SUPT7L: variants seen among roughly 807,000 people sequenced by gnomAD.
SUPT7L encodes SPT7 like, STAGA complex subunit gamma.
Under a neutral mutation model 35.7 loss-of-function variants are expected in SUPT7L, and 15 were observed. That is an observed-to-expected ratio of 0.42 (90% CI 0.28 to 0.65). SUPT7L has a LOEUF of 0.65. Ranked by LOEUF, SUPT7L falls within the 30% of genes least tolerant of loss-of-function variation. The pLI is 0.23. For synonymous variants in SUPT7L, 168 were observed against 186.2 expected (o/e 0.90, Z 0.79); for missense variants, 434 against 522.2 (o/e 0.83, Z 1.65).
intron 4 of SUPT7L, 127 bp from the exon 5 acceptor site, chr2:27,655,729 G>T: frequency 1.2e-6 from 1 of 816,564 alleles, no homozygotes; most frequent in South Asian, 1.8e-5. Flanking sequence ...CACTGCCAAT[G>T]GGAGGGATTT....
downstream of SUPT7L, chr2:27,647,944 G>A (rs201201430): frequency 6.4e-7 from 1 of 1,573,230 alleles, no homozygotes; most frequent in Non-Finnish European, 8.8e-7. Context: ...GACCACAGAG[G>A]TGAGAGGTGG....
the SUPT7L span, among the ~76,000 whole-genome samples, chr2:27,644,808 C>T: frequency 1.1e-4 from 17 of 148,054 alleles, no homozygotes; most frequent in Non-Finnish European, 2.5e-4. Context: ...CTCAGCCTGC[C>T]AACTAGTTTG....
chr2:27,650,336 G>A, downstream of SUPT7L: 2 of 535,594 alleles, frequency 3.7e-6, no homozygotes, highest in Non-Finnish European at 6.7e-6. Flanking sequence ...TCTCTTATTA[G>A]AGAAATCTTG....
chr2:27,662,302 A>C, intron 1 of SUPT7L, 21 bp from the exon 2 acceptor site: 1 of 1,210,132 alleles, frequency 8.3e-7, no homozygotes, highest in Non-Finnish European at 1.2e-6. Context: ...GAAGAGAAAC[A>C]GAAGCAGAAT....
chr2:27,651,305 C>T lies in SUPT7L; in HGVS notation c.*2180G>A, dbSNP rs1036229729. 1 of 152,180 alleles carries T rather than the reference C, an allele frequency of 6.6e-6. No homozygotes were observed. Among genetic ancestry groups the T allele is most frequent in the African/African-American group, 2.4e-5 (1 of 41,434 alleles). The allele number at this position is 152,180 out of a possible 1,614,324, so 9.4% of individuals were successfully genotyped here. A position where few individuals can be genotyped will look rare whatever the true frequency, so the allele number is the denominator to read the frequency against. ...TCTTATAACCTATGAACTCAGAAAC[C>T]CTGGGGGTGGGCTGAGCAGTCTGTT... is the stretch of plus-strand genomic sequence containing the variant. On this transcript the variant is annotated 3_prime_UTR_variant, in exon 6 of 6. Coordinates refer to ENST00000337768, the MANE Select transcript of SUPT7L (RefSeq NM_014860.3).
Position 27,661,063 on chromosome 2 carries a change from C to A in SUPT7L, c.340G>T (p.Asp114Tyr), listed in dbSNP as rs1394975657. The A allele has an allele frequency of 2.5e-6, 4 of 1,613,986 alleles. No homozygotes were observed. The highest frequency in any genetic ancestry group is 3.4e-6 in the Non-Finnish European group (4 of 1,180,042). The change falls in exon 3 of 6, where the codon GAC becomes TAC. Residue 114 changes from aspartate (D) to tyrosine (Y), a missense_variant. By Grantham distance (160) the Asp-to-Tyr change is radical (BLOSUM62 -3). Transcript: ENST00000337768. ...TTCTTACAATCTAAAGGCAGGAGGTCATCAGGGAGAGGAGGTGACCCAGGG... is the reference window on the plus strand; with the variant it reads ...TTCTTACAATCTAAAGGCAGGAGGTAATCAGGGAGAGGAGGTGACCCAGGG... Reference protein sequence around the residue: ...SCPGSPPLPDDLLPLDCKNPN... With the variant: ...SCPGSPPLPDYLLPLDCKNPN...
At chr2:27,645,466 T>C in the SUPT7L span, among the ~76,000 whole-genome samples, 1 of 152,084 alleles carries the variant, frequency 6.6e-6, no homozygotes, top group South Asian at 2.1e-4. Context: ...TAAAAAAGCT[T>C]TTTGGTATTT....
chr2:27,656,026 A>G (rs893657314), intron 4 of SUPT7L, among the ~76,000 whole-genome samples: 10 of 146,774 alleles, frequency 6.8e-5, no homozygotes, highest in African/African-American at 2.2e-4. Context: ...ATCTCTACCA[A>G]AAAAAAAAAA....
In SUPT7L at chr2:27,651,478, T is replaced by C. The variant is rs1490941704; in HGVS notation, c.*2007A>G. On this transcript the variant is annotated 3_prime_UTR_variant, in exon 6 of 6. Transcript: ENST00000337768. The stretch of plus-strand genomic sequence containing the variant: ...CTGGTGCCTGTTATGCAGTTTAACA[T>C]TCTGCAGCAATAAAAGTGTTTTATT... 1.3e-5 allele frequency: 2 copies of C among 152,402 alleles called. No homozygotes were observed. The highest frequency in any genetic ancestry group is 2.9e-5 in the Non-Finnish European group (2 of 68,048). 9.4% of individuals were successfully genotyped at this position (152,402 alleles called of 1,614,324 possible).
chr2:27,657,816 C>G lies in SUPT7L; in HGVS notation c.420-147G>C. On this transcript the variant is annotated intron_variant, in intron 3 of 5. Coordinates refer to ENST00000337768, the MANE Select transcript of SUPT7L (RefSeq NM_014860.3). The surrounding 1 kb of genome is among the most constrained non-coding windows in gnomAD (Gnocchi z 5.2). ...CCAAGTTACATAGCTCAGTTTCATC[C>G]TGCTGCTATCTGGGCATGTCTTAGC... 1.3e-6 allele frequency: 1 copy of G among 753,186 alleles called. No individual in the cohort carries two copies. Among genetic ancestry groups the G allele is most frequent in the Non-Finnish European group, 2.1e-6 (1 of 474,276 alleles). 46.7% of individuals were successfully genotyped at this position (753,186 alleles called of 1,614,324 possible).
intron 3 of SUPT7L, among the ~76,000 whole-genome samples, chr2:27,659,811 G>T (rs756480357): frequency 6.6e-6 from 1 of 152,114 alleles, no homozygotes; most frequent in Admixed American, 6.6e-5. Flanking sequence ...TTGTATATGT[G>T]TGTATATATG....
downstream of SUPT7L, among the ~76,000 whole-genome samples, chr2:27,646,417 T>C (rs1270271283): frequency 1.3e-5 from 2 of 152,232 alleles, no homozygotes; most frequent in East Asian, 3.8e-4. Flanking sequence ...CCGTTACATC[T>C]TATAACTGGT....
rs777622585 is a variant in SUPT7L, at chr2:27,657,572, A to G, written c.517T>C (p.Cys173Arg). The change falls in exon 4 of 6, where the codon TGT becomes CGT. Residue 173 changes from cysteine (C) to arginine (R), a missense_variant. Coordinates refer to ENST00000337768, the MANE Select transcript of SUPT7L (RefSeq NM_014860.3). The surrounding 1 kb of genome is among the most constrained non-coding windows in gnomAD (Gnocchi z 5.2). Reference sequence around the variant, plus strand: ...GTCTCCAGGACACTCTCATTAGCACAGTCAAAGCCCGCGTGGGCCAGGATT... The same window carrying G: ...GTCTCCAGGACACTCTCATTAGCACGGTCAAAGCCCGCGTGGGCCAGGATT... ...ATILAHAGFD[C>R]ANESVLETLT... 5 of 1,614,140 alleles carry G rather than the reference A, an allele frequency of 3.1e-6. No homozygotes were observed. Among genetic ancestry groups the G allele is most frequent in the Non-Finnish European group, 2.5e-6 (3 of 1,180,050 alleles).
chr2:27,642,956 T>TACACACACACACAC, the SUPT7L span, among the ~76,000 whole-genome samples: 2,525 of 85,516 alleles, frequency 0.03, 44 homozygotes, highest in East Asian at 0.11. Flanking sequence ...TATATATATA[T>TACACACACACACAC]ATACACACAC....
chr2:27,643,136 G>GT, the SUPT7L span, among the ~76,000 whole-genome samples: 9 of 148,690 alleles, frequency 6.1e-5, no homozygotes, highest in South Asian at 6.3e-4. The surrounding 1 kb of genome is among the most constrained non-coding windows in gnomAD (Gnocchi z 4.0). Context: ...TGCTGTGGTG[G>GT]TTTTTTTTGT....
At chr2:27,653,778 A>C in intron 5 of SUPT7L, 31 bp from the exon 6 acceptor site, 1 of 1,613,356 alleles carries the variant, frequency 6.2e-7, no homozygotes. Flanking sequence ...GACATACACC[A>C]AGTGTATATG....
Position 27,653,371 on chromosome 2 carries a change from C to T in SUPT7L, c.*114G>A, listed in dbSNP as rs1380055067. Reference sequence around the variant, plus strand: ...CCAGTTCCTCTGGAATTAGGAAAAACCACTTGTGTTTAAGAACAGGAGTCA... The same window carrying T: ...CCAGTTCCTCTGGAATTAGGAAAAATCACTTGTGTTTAAGAACAGGAGTCA... On this transcript the variant is annotated 3_prime_UTR_variant, in exon 6 of 6. Coordinates refer to ENST00000337768, the MANE Select transcript of SUPT7L (RefSeq NM_014860.3). 3.5e-6 allele frequency: 5 copies of T among 1,442,548 alleles called. No homozygotes were observed. In the Admixed American group the frequency reaches 6.8e-5, roughly 20 times the overall value. The allele number at this position is 1,442,548 out of a possible 1,614,324, so 89.4% of individuals were successfully genotyped here.
At chr2:27,654,242 A>G (rs1325568002) in intron 5 of SUPT7L, among the ~76,000 whole-genome samples, 1 of 152,202 alleles carries the variant, frequency 6.6e-6, no homozygotes, top group Non-Finnish European at 1.5e-5. Context: ...TTCTTTGAAG[A>G]GACATGGTCC....
rs1674744754 is a variant in SUPT7L, at chr2:27,655,371, C to G, written c.976G>C (p.Ala326Pro). The G allele has an allele frequency of 6.4e-7, 1 of 1,557,860 alleles. No homozygotes were observed. The highest frequency in any genetic ancestry group is 2.1e-5 in the Admixed American group (1 of 48,330). ...GTAAGTTTATTTGTCTTACTTGAAG[C>G]CTGTGGTGAAGCTTCAACCTCCAGG... The part of the protein sequence containing the change: ...SNLEVEASPQ[A>P]SSAEVNASPL... Residue 326 changes from alanine to proline, a missense_variant, in exon 5 of 6, where the codon GCT (alanine) becomes CCT (proline). Ala to Pro is a conservative substitution (Grantham distance 27, BLOSUM62 -1). Coordinates refer to ENST00000337768, the MANE Select transcript of SUPT7L (RefSeq NM_014860.3).
Sources: allele counts gnomAD v4.1 joint callset (sites outside exome capture counted in the v4.1 genomes callset), GRCh38; gene constraint gnomAD v4.1.1; non-coding constraint Gnocchi (gnomAD v3.1); transcripts MANE v1.5; gene names NCBI Gene and HGNC (gene_info 2026-07-23, HGNC 2026-07-21).